The following NAB1 variants were observed in gnomAD, a reference collection of about 807,000 sequenced individuals.
NAB1 encodes NGFI-A-binding protein 1.
A neutral mutation model predicts 49.9 loss-of-function variants in NAB1; 25 were observed. The ratio of observed to expected loss-of-function variants is 0.50; its 90% CI spans 0.37 to 0.70. NAB1 has a LOEUF of 0.70. Ranked by LOEUF, NAB1 falls within the 30% of genes least tolerant of loss-of-function variation. NAB1 has a pLI of 0.00. For missense variants in NAB1, 489 were observed against 575.9 expected (o/e 0.85, Z 1.54); for synonymous variants, 198 against 215.6 (o/e 0.92, Z 0.71).
In NAB1 at chr2:190,657,080, A is replaced by AT. The variant is rs1256456370; in HGVS notation, c.-20+929dup. Among the ~76,000 whole-genome samples the AT allele has an allele frequency of 1.3e-5, 2 of 152,180 alleles. No homozygotes were observed. The highest frequency in any genetic ancestry group is 2.9e-5 in the Non-Finnish European group (2 of 68,032). On this transcript the variant is annotated intron_variant, in intron 3 of 9. Transcript: ENST00000337386. The surrounding 1 kb of genome is among the most constrained non-coding windows in gnomAD (Gnocchi z 4.4). ...TATTGCGTTGAAAGCCTATGGAGGA[A>AT]TTGCACGAGGTGTATGATAGGAAAG...
rs1243975933 is a variant in NAB1 at position 190,678,253 on chromosome 2, C to G, written c.1005+5101C>G. Among the ~76,000 whole-genome samples, 14 of 152,150 alleles carry G rather than the reference C, an allele frequency of 9.2e-5. No individual in the cohort carries two copies. Among genetic ancestry groups the G allele is most frequent in the Non-Finnish European group, 7.3e-5 (5 of 68,036 alleles). On this transcript the variant is annotated intron_variant, in intron 6 of 9. Transcript: ENST00000337386. The surrounding 1 kb of genome is among the most constrained non-coding windows in gnomAD (Gnocchi z 4.9). Reference sequence around the variant, plus strand: ...AAATCAAGAGCCAAAGTCCCTGGCTCTCTTGTCTTCTCCTAAATTTTTTTA... The same window carrying G: ...AAATCAAGAGCCAAAGTCCCTGGCTGTCTTGTCTTCTCCTAAATTTTTTTA...
Position 190,669,999 on chromosome 2 carries a change from G to T in NAB1, c.820-327G>T, listed in dbSNP as rs1442609498. On this transcript the variant is annotated intron_variant, in intron 4 of 9. Coordinates refer to ENST00000337386, the MANE Select transcript of NAB1 (RefSeq NM_005966.4). The surrounding 1 kb of genome is among the most constrained non-coding windows in gnomAD (Gnocchi z 4.3). ...CAAATCCTGTATTCTAATATTTTGG[G>T]TTTTTTTATAAGCGAGTTGCAGAAT... Among the ~76,000 whole-genome samples the T allele has an allele frequency of 6.6e-6, 1 of 151,862 alleles. No homozygotes were observed. The highest frequency in any genetic ancestry group is 2.4e-5 in the African/African-American group (1 of 41,316).
rs569008324 is a variant in NAB1, at chr2:190,689,348, C to A, written c.1376-897C>A. ...GTACCTGCATCGTACACTATCTATTCCAGCCAGCAGGAATTCAATAAATAG... is the reference window on the plus strand; with the variant it reads ...GTACCTGCATCGTACACTATCTATTACAGCCAGCAGGAATTCAATAAATAG... On this transcript the variant is annotated intron_variant, in intron 9 of 9. Transcript: ENST00000337386. The surrounding 1 kb of genome is among the most constrained non-coding windows in gnomAD (Gnocchi z 4.3). Among the ~76,000 whole-genome samples, 45 of 152,302 alleles carry A rather than the reference C, an allele frequency of 3.0e-4. No individual in the cohort carries two copies. Among genetic ancestry groups the A allele is most frequent in the African/African-American group, 1.0e-3 (43 of 41,568 alleles).
chr2:190,679,604 G>A lies in NAB1; in HGVS notation c.1006-4134G>A, dbSNP rs1336422386. ...ACTTTTCCAAGGTTCACTTATTTGCGTTACTTTATTTAATCCCCACAAACT... is the reference window on the plus strand; with the variant it reads ...ACTTTTCCAAGGTTCACTTATTTGCATTACTTTATTTAATCCCCACAAACT... On this transcript the variant is annotated intron_variant, in intron 6 of 9. Coordinates refer to ENST00000337386, the MANE Select transcript of NAB1 (RefSeq NM_005966.4). The surrounding 1 kb of genome is among the most constrained non-coding windows in gnomAD (Gnocchi z 5.3). 1.3e-5 allele frequency among the ~76,000 whole-genome samples: 2 copies of A among 152,080 alleles called. No homozygotes were observed. The highest frequency in any genetic ancestry group is 2.1e-4 in the South Asian group (1 of 4,828).
chr2:190,687,240 A>C lies in NAB1; in HGVS notation c.1298A>C (p.Asn433Thr), dbSNP rs150743979. The stretch of plus-strand genomic sequence containing the variant: ...AATCTCCGAATGCCTAATTTACAGA[A>C]CAGACAACCCCATCATTTTGTGGTG... Reference protein sequence around the residue: ...PLNLRMPNLQNRQPHHFVVDG... With the variant: ...PLNLRMPNLQTRQPHHFVVDG... Residue 433 changes from asparagine (N) to threonine (T), a missense_variant, in exon 9 of 10, where the codon AAC (asparagine) becomes ACC (threonine). Physicochemically the swap from Asn to Thr is moderately conservative, Grantham distance 65 (BLOSUM62 0). Transcript: ENST00000337386. The C allele has an allele frequency of 1.7e-5, 27 of 1,596,594 alleles. No individual in the cohort carries two copies. The highest frequency in any genetic ancestry group is 2.2e-5 in the Non-Finnish European group (26 of 1,175,412).
In NAB1 at chr2:190,692,581, T is replaced by C. The variant is rs199682947; in HGVS notation, c.*2248T>C. 1 of 152,646 alleles carries C rather than the reference T, an allele frequency of 6.6e-6. No homozygotes were observed. The highest frequency in any genetic ancestry group is 1.9e-4 in the East Asian group (1 of 5,206). 9.5% of individuals were successfully genotyped at this position (152,646 alleles called of 1,614,324 possible). On this transcript the variant is annotated 3_prime_UTR_variant, in exon 10 of 10. Coordinates refer to ENST00000337386, the MANE Select transcript of NAB1 (RefSeq NM_005966.4). The surrounding 1 kb of genome is among the most constrained non-coding windows in gnomAD (Gnocchi z 5.2). Reference sequence around the variant, plus strand: ...TGATTTTTTCATTTTGTTAGAGGTATTTTCACTGAACAAGGTCAATTGGTT... The same window carrying C: ...TGATTTTTTCATTTTGTTAGAGGTACTTTCACTGAACAAGGTCAATTGGTT...
chr2:190,653,544 C>T (rs921142227), intron 2 of NAB1, among the ~76,000 whole-genome samples: 9 of 152,120 alleles, frequency 5.9e-5, no homozygotes, highest in African/African-American at 1.9e-4. Context: ...GTGGTTTCTT[C>T]CCACTCCTGG....
Position 190,684,021 on chromosome 2 carries a change from G to A in NAB1, c.1095+194G>A, listed in dbSNP as rs114089485. 1.8e-3 allele frequency among the ~76,000 whole-genome samples: 268 copies of A among 152,246 alleles called. 1 individual carries two copies. The highest frequency in any genetic ancestry group is 5.6e-3 in the African/African-American group (231 of 41,536). On this transcript the variant is annotated intron_variant, in intron 7 of 9. Transcript: ENST00000337386. The surrounding 1 kb of genome is among the most constrained non-coding windows in gnomAD (Gnocchi z 4.6). Reference sequence around the variant, plus strand: ...ACTTGGTTTGATTCAGTTTATGAACGGAATCTGATATGGTGCTACTTATTT... The same window carrying A: ...ACTTGGTTTGATTCAGTTTATGAACAGAATCTGATATGGTGCTACTTATTT...
chr2:190,668,237 G>T (rs368756295), intron 4 of NAB1, among the ~76,000 whole-genome samples: 47 of 152,184 alleles, frequency 3.1e-4, no homozygotes, highest in African/African-American at 1.1e-3. Context: ...TGACCTAACT[G>T]GTCTATTTGT....
chr2:190,671,373 A>G (rs1694795741), intron 5 of NAB1, among the ~76,000 whole-genome samples: 1 of 152,170 alleles, frequency 6.6e-6, no homozygotes, highest in Non-Finnish European at 1.5e-5. Flanking sequence ...AATTCACAGC[A>G]GTTTCATTTT....
Position 190,685,673 on chromosome 2 carries a change from A to G in NAB1, c.1258+35A>G. 2 of 1,450,926 alleles carry G rather than the reference A, an allele frequency of 1.4e-6. No homozygotes were observed. The highest frequency in any genetic ancestry group is 2.5e-5 in the East Asian group (1 of 40,734). 89.9% of individuals were successfully genotyped at this position (1,450,926 alleles called of 1,614,324 possible). On this transcript the variant is annotated intron_variant, in intron 8 of 9. Coordinates refer to ENST00000337386, the MANE Select transcript of NAB1 (RefSeq NM_005966.4). The surrounding 1 kb of genome is among the most constrained non-coding windows in gnomAD (Gnocchi z 4.5). ...TAGAATATCCTATGCCTTTAGGGCC[A>G]CTATGTGCACTTCAAAGAGAAACAG...
At chr2:190,656,702 C>G (rs1458999602) in intron 3 of NAB1, among the ~76,000 whole-genome samples, 1 of 151,924 alleles carries the variant, frequency 6.6e-6, no homozygotes, top group Non-Finnish European at 1.5e-5. Flanking sequence ...AAATTATTTT[C>G]TAAAATCATT....
At position 190,659,883 on chromosome 2, in the gene NAB1, T is replaced by C; in HGVS notation, c.707T>C (p.Phe236Ser). 1 of 1,614,064 alleles carries C rather than the reference T, an allele frequency of 6.2e-7. No individual in the cohort carries two copies. The highest frequency in any genetic ancestry group is 8.5e-7 in the Non-Finnish European group (1 of 1,180,002). ...TTGGCCAAAATGATTGGTCACATCTTTGAGATGAACGATGATGATCCACAC... is the reference window on the plus strand; with the variant it reads ...TTGGCCAAAATGATTGGTCACATCTCTGAGATGAACGATGATGATCCACAC... ...KKLAKMIGHI[F>S]EMNDDDPHKE... Residue 236 changes from phenylalanine to serine, a missense_variant, in exon 4 of 10, where the codon TTT becomes TCT. Phe to Ser is a radical substitution (Grantham distance 155). Coordinates refer to ENST00000337386, the MANE Select transcript of NAB1 (RefSeq NM_005966.4). This position sits in a 1 kb window ranked among gnomAD's most constrained non-coding sequence, Gnocchi z 6.2.
rs1695620641 is a variant in NAB1, at chr2:190,686,627, G to T, written c.1259-574G>T. Among the ~76,000 whole-genome samples, 1 of 152,086 alleles carries T rather than the reference G, an allele frequency of 6.6e-6. No individual in the cohort carries two copies. Among genetic ancestry groups the T allele is most frequent in the Non-Finnish European group, 1.5e-5 (1 of 68,012 alleles). On this transcript the variant is annotated intron_variant, in intron 8 of 9. Coordinates refer to ENST00000337386, the MANE Select transcript of NAB1 (RefSeq NM_005966.4). This position sits in a 1 kb window ranked among gnomAD's most constrained non-coding sequence, Gnocchi z 5.5. ...TATCCTTAACAGTTAAGAAGCAAAGGCAATTATTAAAGATTTGGTGACTCT... is the reference window on the plus strand; with the variant it reads ...TATCCTTAACAGTTAAGAAGCAAAGTCAATTATTAAAGATTTGGTGACTCT...
rs1695920242 is a variant in NAB1, at chr2:190,691,127, G to A, written c.*794G>A. The A allele has an allele frequency of 6.6e-6, 1 of 152,564 alleles. No individual in the cohort carries two copies. Among genetic ancestry groups the A allele is most frequent in the Non-Finnish European group, 1.5e-5 (1 of 67,970 alleles). 9.5% of individuals were successfully genotyped at this position (152,564 alleles called of 1,614,324 possible). ...TGCTTGGACAGAGAACTTGAAATAA[G>A]TGGACCCATGTATAAAAGCTTTGAC... On this transcript the variant is annotated 3_prime_UTR_variant, in exon 10 of 10. Coordinates refer to ENST00000337386, the MANE Select transcript of NAB1 (RefSeq NM_005966.4). This position sits in a 1 kb window ranked among gnomAD's most constrained non-coding sequence, Gnocchi z 4.1.
chr2:190,664,496 C>T (rs1694390492), intron 4 of NAB1, among the ~76,000 whole-genome samples: 1 of 150,942 alleles, frequency 6.6e-6, no homozygotes, highest in African/African-American at 2.4e-5. Context: ...GCATGTGCCA[C>T]CACACCTAGC....
rs973380990 is a variant in NAB1, at chr2:190,657,672, T to C, written c.-19-1486T>C. 1.3e-5 allele frequency among the ~76,000 whole-genome samples: 2 copies of C among 152,124 alleles called. No individual in the cohort carries two copies. The highest frequency in any genetic ancestry group is 4.8e-5 in the African/African-American group (2 of 41,422). ...AAAACAGATGTGGATGACACAGAGG[T>C]TCCAGGAGATGGGACTTCCGGTAGT... On this transcript the variant is annotated intron_variant, in intron 3 of 9. Coordinates refer to ENST00000337386, the MANE Select transcript of NAB1 (RefSeq NM_005966.4). The surrounding 1 kb of genome is among the most constrained non-coding windows in gnomAD (Gnocchi z 4.4).
At position 190,667,904 on chromosome 2, in the gene NAB1, TAAAAA is replaced by T. The variant is rs894644618; in HGVS notation, c.820-2417_820-2413del. Among the ~76,000 whole-genome samples, 1 of 151,350 alleles carries T rather than the reference TAAAAA, an allele frequency of 6.6e-6. No individual in the cohort carries two copies. Among genetic ancestry groups the T allele is most frequent in the Admixed American group, 6.6e-5 (1 of 15,192 alleles). ...GAAACTGTATGGCTAATGACAAACT[TAAAAA>T]AAAATCCCATTACATATGATGAAGA... is the stretch of plus-strand genomic sequence containing the variant. On this transcript the variant is annotated intron_variant, in intron 4 of 9. Transcript: ENST00000337386. This position sits in a 1 kb window ranked among gnomAD's most constrained non-coding sequence, Gnocchi z 4.4.
rs757513550 is a variant in NAB1 at position 190,669,596 on chromosome 2, T to G, written c.820-730T>G. Among the ~76,000 whole-genome samples the G allele has an allele frequency of 3.9e-5, 6 of 152,228 alleles. No individual in the cohort carries two copies. The highest frequency in any genetic ancestry group is 1.4e-4 in the African/African-American group (6 of 41,466). ...TTTTGCATATTAAAAAAGTCTGATA[T>G]ACCTCTTGACAGTTTCCTATATCTA... On this transcript the variant is annotated intron_variant, in intron 4 of 9. Transcript: ENST00000337386. This position sits in a 1 kb window ranked among gnomAD's most constrained non-coding sequence, Gnocchi z 4.3.
Sources: allele counts gnomAD v4.1 joint callset (sites outside exome capture counted in the v4.1 genomes callset), GRCh38; gene constraint gnomAD v4.1.1; non-coding constraint Gnocchi (gnomAD v3.1); transcripts MANE v1.5; gene names NCBI Gene and HGNC (gene_info 2026-07-23, HGNC 2026-07-21).